PTBP2: variants seen among roughly 807,000 people sequenced by gnomAD.
The protein encoded by PTBP2 is polypyrimidine tract-binding protein 2.
PTBP2 carries 13 observed loss-of-function variants against 61.4 expected under a neutral mutation model. That is an observed-to-expected ratio of 0.21 (90% confidence interval 0.14 to 0.34). PTBP2 has a LOEUF of 0.34. Ranked by LOEUF, PTBP2 falls within the 10% of genes least tolerant of loss-of-function variation. The pLI, the probability that PTBP2 is intolerant of heterozygous loss-of-function variation, is 1.00. For synonymous variants in PTBP2, 215 were observed against 218.5 expected (o/e 0.98, Z 0.14); for missense variants, 405 against 642.6 (o/e 0.63, Z 4.00).
At chr1:96,799,432 A>C (rs1466513076) in intron 8 of PTBP2, among the ~76,000 whole-genome samples, 1 of 151,094 alleles carries the variant, frequency 6.6e-6, no homozygotes, top group Non-Finnish European at 1.5e-5. Context: ...AGTAGCTGCT[A>C]CTACAGGTGC....
chr1:96,794,825 G>A (rs1660202114), intron 8 of PTBP2, among the ~76,000 whole-genome samples: 1 of 152,164 alleles, frequency 6.6e-6, no homozygotes, highest in Non-Finnish European at 1.5e-5. Flanking sequence ...ATGATTAAAT[G>A]TGATAGAGTA....
downstream of PTBP2, chr1:96,818,278 TATTTC>T (rs1364484589): frequency 6.6e-6 from 1 of 152,106 alleles, no homozygotes; most frequent in Non-Finnish European, 1.5e-5. Flanking sequence ...CATTTTTAGA[TATTTC>T]AAACATACAA....
intron 1 of PTBP2, 107 bp downstream of exon 1, chr1:96,721,979 G>T: frequency 6.9e-7 from 1 of 1,457,618 alleles, no homozygotes. Context: ...TCCCAGGGCT[G>T]GGCTGCCGTT....
At chr1:96,788,889 G>T (rs1471727028) in intron 8 of PTBP2, among the ~76,000 whole-genome samples, 1 of 151,990 alleles carries the variant, frequency 6.6e-6, no homozygotes, top group Non-Finnish European at 1.5e-5. Context: ...TTTGTTCAAA[G>T]AAAGGAGACT....
chr1:96,740,469 A>G (rs1157541512), intron 2 of PTBP2, among the ~76,000 whole-genome samples: 1 of 152,158 alleles, frequency 6.6e-6, no homozygotes, highest in Non-Finnish European at 1.5e-5. Context: ...GAAATCCTCC[A>G]GTTAACTCCT....
At chr1:96,763,249 C>T (rs529228209) in intron 3 of PTBP2, among the ~76,000 whole-genome samples, 13 of 152,152 alleles carry the variant, frequency 8.5e-5, no homozygotes, top group South Asian at 2.1e-4. Flanking sequence ...GAGGTTGTAA[C>T]GAGCCGAGAT....
chr1:96,763,880 T>G (rs1570851172), intron 3 of PTBP2, among the ~76,000 whole-genome samples: 1 of 152,172 alleles, frequency 6.6e-6, no homozygotes, highest in African/African-American at 2.4e-5. Flanking sequence ...CTGTTGCTTA[T>G]AAGAGCAAAT....
In PTBP2 at chr1:96,813,429, G is replaced by T; in HGVS notation, c.*24G>T. The stretch of plus-strand genomic sequence containing the variant: ...AAAAATGGGAAGATGAAGATTGGGG[G>T]TGAATCACATTGTTCAATGTCATCA... On this transcript the variant is annotated 3_prime_UTR_variant, in exon 14 of 14. Transcript: ENST00000674951. The T allele has an allele frequency of 6.4e-7, 1 of 1,558,336 alleles. No homozygotes were observed. The highest frequency in any genetic ancestry group is 8.7e-7 in the Non-Finnish European group (1 of 1,148,988).
chr1:96,766,713 G>A (rs969778917), intron 3 of PTBP2, among the ~76,000 whole-genome samples: 5 of 152,134 alleles, frequency 3.3e-5, no homozygotes, highest in Admixed American at 2.0e-4. Context: ...ATACTTAGTA[G>A]TCACCTCATG....
At chr1:96,787,405 A>C (rs1028642793) in intron 8 of PTBP2, among the ~76,000 whole-genome samples, 1 of 152,164 alleles carries the variant, frequency 6.6e-6, no homozygotes, top group Non-Finnish European at 1.5e-5. Flanking sequence ...AAAATTGTCT[A>C]GTGTCTTTTT....
chr1:96,758,558 G>T (rs986854520), intron 3 of PTBP2, among the ~76,000 whole-genome samples: 3 of 152,030 alleles, frequency 2.0e-5, no homozygotes, highest in Admixed American at 6.5e-5. Flanking sequence ...CTTATCGCAG[G>T]ATTGTAAGGT....
rs1570756203 is a variant in PTBP2, at chr1:96,744,497, A to G, written c.40-6928A>G. 2.6e-5 allele frequency among the ~76,000 whole-genome samples: 4 copies of G among 152,346 alleles called. 1 individual carries two copies. The highest frequency in any genetic ancestry group is 2.6e-4 in the Admixed American group (4 of 15,306). On this transcript the variant is annotated intron_variant, in intron 2 of 13. Coordinates refer to ENST00000674951, the MANE Select transcript of PTBP2 (RefSeq NM_021190.4). ...GTCTTATTACATAGAACAGAAGACC[A>G]GAATACTAGCTCTCCACGTCTTATG... is the stretch of plus-strand genomic sequence containing the variant.
rs1424841097 is a variant in PTBP2, at chr1:96,814,573, A to G, written c.*1168A>G. On this transcript the variant is annotated 3_prime_UTR_variant, in exon 14 of 14. Transcript: ENST00000674951. The stretch of plus-strand genomic sequence containing the variant: ...ACATGGCTCAGAATCTACAGGTCAA[A>G]TTAATTTGAACAGTTCTTGTCAATC... 6.6e-6 allele frequency: 1 copy of G among 152,530 alleles called. No homozygotes were observed. Among genetic ancestry groups the G allele is most frequent in the Non-Finnish European group, 1.5e-5 (1 of 67,966 alleles). The allele number at this position is 152,530 out of a possible 1,614,324, so 9.4% of individuals were successfully genotyped here. A position where few individuals can be genotyped will look rare whatever the true frequency, so the allele number is the denominator to read the frequency against.
At chr1:96,760,143 T>C (rs1373169112) in intron 3 of PTBP2, among the ~76,000 whole-genome samples, 1 of 151,642 alleles carries the variant, frequency 6.6e-6, no homozygotes, top group African/African-American at 2.4e-5. Flanking sequence ...ACCATATCAA[T>C]GACAAAGGAC....
At chr1:96,779,121 C>T (rs1005147025) in intron 7 of PTBP2, among the ~76,000 whole-genome samples, 2 of 152,000 alleles carry the variant, frequency 1.3e-5, no homozygotes, top group Admixed American at 6.6e-5. Flanking sequence ...CACTGGTTCT[C>T]GGGTATAATC....
Position 96,813,535 on chromosome 1 carries a change from C to T in PTBP2, c.*130C>T. ...TTTTTTGGGGTTTCTTTTTTTTTTC[C>T]ATGCTGTTATCATTCCTTGGTTATA... On this transcript the variant is annotated 3_prime_UTR_variant, in exon 14 of 14. Transcript: ENST00000674951. 4.5e-6 allele frequency: 4 copies of T among 879,934 alleles called. No homozygotes were observed. Among genetic ancestry groups the T allele is most frequent in the Non-Finnish European group, 6.4e-6 (4 of 624,574 alleles). 54.5% of individuals were successfully genotyped at this position (879,934 alleles called of 1,614,324 possible).
At chr1:96,757,554 A>G (rs1236116392) in intron 3 of PTBP2, among the ~76,000 whole-genome samples, 1 of 152,182 alleles carries the variant, frequency 6.6e-6, no homozygotes, top group Admixed American at 6.5e-5. Flanking sequence ...CTAGCCCCCA[A>G]ATAAAAAGAT....
intron 11 of PTBP2, among the ~76,000 whole-genome samples, chr1:96,812,001 A>G (rs181532846): frequency 8.5e-5 from 13 of 152,302 alleles, no homozygotes; most frequent in Admixed American, 3.3e-4. Context: ...AGCTTCCCAA[A>G]TCTGAAATGT....
At chr1:96,739,933 CTT>C (rs1049132681) in intron 2 of PTBP2, among the ~76,000 whole-genome samples, 7 of 151,954 alleles carry the variant, frequency 4.6e-5, no homozygotes, top group South Asian at 4.2e-4. Context: ...CAATCTGAAA[CTT>C]TTTGAGCACT....
Sources: allele counts gnomAD v4.1 joint callset (sites outside exome capture counted in the v4.1 genomes callset), GRCh38; gene constraint gnomAD v4.1.1; transcripts MANE v1.5; gene names NCBI Gene and HGNC (gene_info 2026-07-23, HGNC 2026-07-21).